RUFY4: variants seen among roughly 807,000 people sequenced by gnomAD.
RUFY4 encodes RUN and FYVE domain containing 4, also known as RUN and FYVE domain-containing protein 4.
RUFY4 carries 73 observed loss-of-function variants against 69.0 expected under a neutral mutation model. The observed-to-expected ratio is 1.06, with a 90% confidence interval of 0.88 to 1.29. The LOEUF (loss-of-function observed/expected upper bound fraction) is 1.29, where lower values mean the gene tolerates loss of function less well. RUFY4 is among the 50% of genes most tolerant of loss of function. The pLI is 0.00. For missense variants in RUFY4, 770 were observed against 705.6 expected (o/e 1.09, Z -1.03); for synonymous variants, 287 against 271.8 (o/e 1.06, Z -0.55).
At chr2:218,050,420 C>T (rs927155472) in intron 2 of RUFY4, among the ~76,000 whole-genome samples, 4 of 152,076 alleles carry the variant, frequency 2.6e-5, no homozygotes, top group African/African-American at 7.2e-5. Context: ...GAGCTGTAAC[C>T]CTCCCTTCCA....
At chr2:218,064,694 C>T (rs1689281680), upstream of RUFY4, among the ~76,000 whole-genome samples, 2 of 152,096 alleles carry the variant, frequency 1.3e-5, no homozygotes, top group Non-Finnish European at 2.9e-5. Context: ...GCTCCCCCTA[C>T]ACCTTCCCCA....
chr2:218,088,883 A>G (rs966621718), intron 9 of RUFY4, among the ~76,000 whole-genome samples: 1 of 147,552 alleles, frequency 6.8e-6, no homozygotes, highest in African/African-American at 2.5e-5. Context: ...CTCTCCCTCT[A>G]TATATCTCTC....
intron 5 of RUFY4, 56 bp from the exon 8 acceptor site, chr2:218,073,760 G>C: frequency 6.3e-7 from 1 of 1,597,294 alleles, no homozygotes; most frequent in Non-Finnish European, 8.6e-7. Flanking sequence ...TCCATCTGAG[G>C]ACCAAGCCCA....
upstream of RUFY4, chr2:218,068,644 C>G (rs1320688630): frequency 6.5e-6 from 1 of 153,114 alleles, no homozygotes; most frequent in Non-Finnish European, 1.5e-5. Flanking sequence ...ATGGAAAGAC[C>G]CCAGCCTCAA....
At chr2:218,050,441 T>G (rs1168462764) in intron 2 of RUFY4, among the ~76,000 whole-genome samples, 1 of 152,152 alleles carries the variant, frequency 6.6e-6, no homozygotes, top group Non-Finnish European at 1.5e-5. Context: ...CTTGCCGAAC[T>G]GCAGGAGCAA....
chr2:218,086,963 A>G (rs1266479468), intron 9 of RUFY4, among the ~76,000 whole-genome samples: 2 of 152,228 alleles, frequency 1.3e-5, no homozygotes, highest in East Asian at 3.8e-4. Context: ...AGGCAATTAA[A>G]AACTCCCAGA....
chr2:218,077,577 C>T (rs1689664292), intron 8 of RUFY4, among the ~76,000 whole-genome samples: 1 of 152,188 alleles, frequency 6.6e-6, no homozygotes, highest in African/African-American at 2.4e-5. Flanking sequence ...CTGTGTCTCT[C>T]TCCTGTGGTC....
chr2:218,087,705 T>A (rs1689926840), intron 9 of RUFY4, among the ~76,000 whole-genome samples: 1 of 152,192 alleles, frequency 6.6e-6, no homozygotes, highest in African/African-American at 2.4e-5. Context: ...GGCACATGCC[T>A]GTAATCCCAG....
chr2:218,089,253 G>A (rs1160340658), exon 10 of RUFY4: 2 of 1,612,960 alleles, frequency 1.2e-6, no homozygotes, highest in Non-Finnish European at 8.5e-7. Context: ...CCCCATCAGA[G>A]AGAAGGACCG....
chr2:218,089,249 C>G lies in RUFY4; in HGVS notation c.1503-3C>G. 1 of 1,611,406 alleles carries G rather than the reference C, an allele frequency of 6.2e-7. No homozygotes were observed. Among genetic ancestry groups the G allele is most frequent in the Non-Finnish European group, 8.5e-7 (1 of 1,177,894 alleles). ...TGTCTCTCCACCTTCATCCCCCCAT[C>G]AGAGAGAAGGACCGCCTGTGGCAGA... On this transcript the variant is annotated splice_region_variant and splice_polypyrimidine_tract_variant and intron_variant, in intron 9 of 10. Transcript: ENST00000344321.
chr2:218,074,575 C>A (rs1246007238), intron 6 of RUFY4, among the ~76,000 whole-genome samples: 2 of 152,096 alleles, frequency 1.3e-5, no homozygotes, highest in African/African-American at 4.8e-5. Context: ...TAAAAAAAAG[C>A]ATTGCAATAT....
chr2:218,067,041 A>G (rs780917987), upstream of RUFY4, among the ~76,000 whole-genome samples: 3 of 152,258 alleles, frequency 2.0e-5, no homozygotes, highest in Non-Finnish European at 4.4e-5. Flanking sequence ...AAATGTCTGA[A>G]GCTGCCTTGT....
chr2:218,075,660 A>C (rs1408343365), exon 7 of RUFY4: 1 of 1,498,096 alleles, frequency 6.7e-7, no homozygotes, highest in Non-Finnish European at 8.9e-7. Context: ...TACCGTGGAG[A>C]ATCCACAAGT....
At chr2:218,064,588 G>A (rs145860325), upstream of RUFY4, among the ~76,000 whole-genome samples, 4 of 152,232 alleles carry the variant, frequency 2.6e-5, no homozygotes, top group Non-Finnish European at 5.9e-5. Context: ...TACAGGAGTG[G>A]CCACCAGCTG....
At chr2:218,060,038 G>C in intron 3 of RUFY4, 1 of 242,712 alleles carries the variant, frequency 4.1e-6, no homozygotes, top group South Asian at 1.2e-4. Context: ...TGAGTATGCA[G>C]AGCTGTCTCA....
In RUFY4 at chr2:218,052,838, G is replaced by GTT. The variant is rs34869002; in HGVS notation, c.-1157-5748_-1157-5747dup. On this transcript the variant is annotated intron_variant and NMD_transcript_variant, in intron 2 of 13. Transcript: ENST00000457754. ...AAGTCATCCCTAAGGCAGGTCTAAG[G>GTT]TTTTTTTTTTCTCTCAGCTATGTAA... is the stretch of plus-strand genomic sequence containing the variant. Among the ~76,000 whole-genome samples, 119 of 147,900 alleles carry GTT rather than the reference G, an allele frequency of 8.0e-4. 1 individual carries two copies. Among genetic ancestry groups the GTT allele is most frequent in the Middle Eastern group, 3.5e-3 (1 of 284 alleles).
chr2:218,070,883 C>G (rs1438903406), intron 2 of RUFY4, 24 bp downstream of exon 4: 2 of 1,503,096 alleles, frequency 1.3e-6, no homozygotes, highest in East Asian at 2.5e-5. Flanking sequence ...CTCCCCTTCC[C>G]CATCCCTCTC....
exon 7 of RUFY4, chr2:218,075,203 C>T: frequency 6.4e-7 from 1 of 1,559,014 alleles, no homozygotes; most frequent in South Asian, 1.2e-5. Flanking sequence ...CAGGGCTTCC[C>T]AGGTCCCAGC....
intron 9 of RUFY4, among the ~76,000 whole-genome samples, chr2:218,087,237 G>A (rs947425426): frequency 2.4e-4 from 36 of 152,108 alleles, no homozygotes; most frequent in African/African-American, 6.5e-4. Context: ...GTCCAGTATG[G>A]TAGCTGATAG....
Sources: gnomAD v4.1 joint callset for allele counts (sites outside exome capture counted in the v4.1 genomes callset) on GRCh38, gnomAD v4.1.1 for gene constraint, MANE v1.5 for transcripts, NCBI Gene and HGNC (gene_info 2026-07-23, HGNC 2026-07-21) for gene names.